Variants in CDH13 observed in about 807,000 individuals in gnomAD.
The protein encoded by CDH13 is cadherin-13.
In CDH13, 24 loss-of-function variants were observed where a neutral mutation model predicts 63.8. The ratio of observed to expected loss-of-function variants is 0.38; its 90% CI spans 0.27 to 0.53. The LOEUF (loss-of-function observed/expected upper bound fraction) is 0.53. Ranked by LOEUF, CDH13 falls within the 20% of genes least tolerant of loss-of-function variation. The pLI, the probability that CDH13 is intolerant of heterozygous loss-of-function variation, is 0.85. For missense variants in CDH13, 1,049 were observed against 903.1 expected, an observed-to-expected ratio of 1.16 and a Z score of -2.07; for synonymous variants, 503 against 355.3, an observed-to-expected ratio of 1.42 and a Z score of -4.67.
chr16:82,802,922 T>C (rs2036938821), intron 1 of CDH13, among the ~76,000 whole-genome samples: 1 of 152,174 alleles, frequency 6.6e-6, no homozygotes, highest in African/African-American at 2.4e-5. Context: ...TACTTTGAAA[T>C]AAATCCCACC....
intron 4 of CDH13, among the ~76,000 whole-genome samples, chr16:83,164,740 C>CAAAA (rs2037590252): frequency 1.6e-4 from 21 of 133,316 alleles, no homozygotes; most frequent in African/African-American, 6.4e-4. Context: ...AAAAAAAAAT[C>CAAAA]ATCGTTTTAC....
chr16:83,263,015 A>G (rs566763189), intron 5 of CDH13, among the ~76,000 whole-genome samples: 2 of 152,324 alleles, frequency 1.3e-5, no homozygotes, highest in Admixed American at 1.3e-4. Context: ...TTGAAACTCG[A>G]TATTCTTAGA....
chr16:82,869,500 A>G (rs1432925505), intron 2 of CDH13, among the ~76,000 whole-genome samples: 3 of 152,178 alleles, frequency 2.0e-5, no homozygotes, highest in African/African-American at 7.2e-5. Flanking sequence ...ATTTATACAG[A>G]ACCCCAAAAG....
rs1472700247 is a variant in CDH13 at position 83,216,443 on chromosome 16, T to TATATATACAC, written c.484-901_484-900insTATATACACA. 1.5e-4 allele frequency among the ~76,000 whole-genome samples: 14 copies of TATATATACAC among 93,434 alleles called. 2 individuals are homozygous for TATATATACAC. The highest frequency in any genetic ancestry group is 4.7e-4 in the African/African-American group (12 of 25,382). The allele number at this position is 93,434 out of a possible 152,430, so 61.3% of individuals were successfully genotyped here. ...ATATATATATATATATATATATATATACACAACCCTAATTTGAGGTTTATA... is the reference window on the plus strand; with the variant it reads ...ATATATATATATATATATATATATATATATATACACACACAACCCTAATTTGAGGTTTATA... On this transcript the variant is annotated intron_variant, in intron 4 of 13. Coordinates refer to ENST00000567109, the MANE Select transcript of CDH13 (RefSeq NM_001257.5).
In CDH13 at chr16:82,626,976, A is replaced by G. The variant is rs765750766; in HGVS notation, c.-117A>G. 3 of 1,152,598 alleles carry G rather than the reference A, an allele frequency of 2.6e-6. No individual in the cohort carries two copies. The highest frequency in any genetic ancestry group is 3.8e-6 in the Non-Finnish European group (3 of 784,092). The allele number at this position is 1,152,598 out of a possible 1,614,324, so 71.4% of individuals were successfully genotyped here. On this transcript the variant is annotated 5_prime_UTR_variant, in exon 1 of 14. Transcript: ENST00000567109. ...TGATGCTGCTGCTGATCTATTTGGG[A>G]AGTTGGCTGGCTGGCGAGGCAGAGC...
At chr16:83,568,766 T>A (rs1372106768) in intron 7 of CDH13, among the ~76,000 whole-genome samples, 2 of 152,108 alleles carry the variant, frequency 1.3e-5, no homozygotes. Context: ...CTCCCTTTCC[T>A]CCCTCAGTCC....
intron 6 of CDH13, among the ~76,000 whole-genome samples, chr16:83,447,049 G>A (rs1289694905): frequency 1.7e-5 from 1 of 57,802 alleles, no homozygotes; most frequent in African/African-American, 7.2e-5. Flanking sequence ...CTGGTCACCC[G>A]TCTTAAAAAA....
At chr16:82,834,846 G>T (rs990171677) in intron 1 of CDH13, among the ~76,000 whole-genome samples, 2 of 152,156 alleles carry the variant, frequency 1.3e-5, no homozygotes, top group African/African-American at 4.8e-5. Flanking sequence ...AAGCTAAAAT[G>T]GTTTTTACAT....
chr16:83,577,682 A>G (rs1367521749), intron 7 of CDH13, among the ~76,000 whole-genome samples: 1 of 152,212 alleles, frequency 6.6e-6, no homozygotes, highest in Non-Finnish European at 1.5e-5. Context: ...GGAAGGCCAC[A>G]TCCGTCACCC....
At chr16:83,167,206 A>G (rs1447204539) in intron 4 of CDH13, among the ~76,000 whole-genome samples, 1 of 151,988 alleles carries the variant, frequency 6.6e-6, no homozygotes, top group African/African-American at 2.4e-5. Context: ...GTATTAAAAA[A>G]AAAAAAAAGG....
At chr16:82,855,101 G>C (rs1157905287) in intron 1 of CDH13, among the ~76,000 whole-genome samples, 2 of 152,172 alleles carry the variant, frequency 1.3e-5, no homozygotes, top group East Asian at 1.9e-4. Context: ...GGTAGGTGAA[G>C]TGTCCCAAGA....
At chr16:83,040,428 G>A (rs1258028656) in intron 3 of CDH13, among the ~76,000 whole-genome samples, 1 of 152,174 alleles carries the variant, frequency 6.6e-6, no homozygotes, top group Non-Finnish European at 1.5e-5. Flanking sequence ...TGATGGTGCA[G>A]CCTTCAGTCT....
intron 7 of CDH13, among the ~76,000 whole-genome samples, chr16:83,515,842 C>G (rs537908276): frequency 1.2e-4 from 19 of 152,094 alleles, no homozygotes; most frequent in Admixed American, 1.0e-3. Flanking sequence ...ATTAATGTGT[C>G]CTGCCACATT....
intron 1 of CDH13, among the ~76,000 whole-genome samples, chr16:82,730,682 T>G (rs1412115046): frequency 6.6e-6 from 1 of 152,204 alleles, no homozygotes; most frequent in Non-Finnish European, 1.5e-5. Flanking sequence ...ACTTGCTCAA[T>G]GCAGGGTTGC....
intron 1 of CDH13, among the ~76,000 whole-genome samples, chr16:82,660,565 G>C (rs1911819527): frequency 6.6e-6 from 1 of 152,110 alleles, no homozygotes; most frequent in Admixed American, 6.5e-5. Context: ...CCCGAGGCCA[G>C]AGATGAAGTG....
intron 1 of CDH13, among the ~76,000 whole-genome samples, chr16:82,638,738 T>G (rs550203878): frequency 6.6e-6 from 1 of 151,380 alleles, no homozygotes; most frequent in Non-Finnish European, 1.5e-5. Flanking sequence ...TCATGCCTCA[T>G]AAAATCATTT....
At chr16:83,647,971 C>A (rs1019617654) in intron 8 of CDH13, among the ~76,000 whole-genome samples, 3 of 152,150 alleles carry the variant, frequency 2.0e-5, no homozygotes, top group African/African-American at 7.2e-5. Context: ...CCCACAACTG[C>A]CTGATAAGGT....
At position 82,810,831 on chromosome 16, in the gene CDH13, A is replaced by G. The variant is rs1323107175; in HGVS notation, c.46-47531A>G. Among the ~76,000 whole-genome samples the G allele has an allele frequency of 3.3e-5, 5 of 152,040 alleles. No individual in the cohort carries two copies. In the East Asian group the frequency reaches 9.7e-4, roughly 29 times the overall value. On this transcript the variant is annotated intron_variant, in intron 1 of 13. Coordinates refer to ENST00000567109, the MANE Select transcript of CDH13 (RefSeq NM_001257.5). ...TGGGAAGGATTTTGCTTTCATCCTAAGAAGAGTGAGAAGCCATTAATAGGA... is the reference window on the plus strand; with the variant it reads ...TGGGAAGGATTTTGCTTTCATCCTAGGAAGAGTGAGAAGCCATTAATAGGA...
intron 3 of CDH13, among the ~76,000 whole-genome samples, chr16:83,106,047 T>G (rs183195492): frequency 6.6e-6 from 1 of 152,234 alleles, no homozygotes; most frequent in East Asian, 1.9e-4. Flanking sequence ...AGTGATGATT[T>G]TATTCCACTG....
Sources: gnomAD v4.1 joint callset for allele counts (sites outside exome capture counted in the v4.1 genomes callset) on GRCh38, gnomAD v4.1.1 for gene constraint, MANE v1.5 for transcripts, NCBI Gene and HGNC (gene_info 2026-07-23, HGNC 2026-07-21) for gene names.